PTPRN2: variants seen among roughly 807,000 people sequenced by gnomAD.
PTPRN2 encodes protein tyrosine phosphatase receptor type N2, also known as receptor-type tyrosine-protein phosphatase N2.
A neutral mutation model predicts 118.8 loss-of-function variants in PTPRN2; 74 were observed. The observed-to-expected ratio is 0.62, with a 90% CI of 0.52 to 0.76. The LOEUF is 0.76. PTPRN2 is among the 30% of genes least tolerant of loss of function. The pLI is 0.00. For synonymous variants in PTPRN2, 641 were observed against 608.0 expected, an observed-to-expected ratio of 1.05 and a Z score of -0.80; for missense variants, 1,481 against 1,394.4, an observed-to-expected ratio of 1.06 and a Z score of -0.99.
intron 5 of PTPRN2, among the ~76,000 whole-genome samples, chr7:158,186,725 A>G (rs1192913974): frequency 6.6e-6 from 1 of 152,064 alleles, no homozygotes; most frequent in Non-Finnish European, 1.5e-5. Flanking sequence ...CCCCTCTGGC[A>G]TGAGTGCACC....
At chr7:158,109,263 T>TC (rs1441580488) in intron 10 of PTPRN2, among the ~76,000 whole-genome samples, 1 of 145,890 alleles carries the variant, frequency 6.9e-6, no homozygotes. Flanking sequence ...GTGAATGACA[T>TC]AACTCCTGAG....
rs1563258215 is a variant in PTPRN2, at chr7:157,940,733, T to TCCC, written c.1724-41997_1724-41996insGGG. ...CCGTGACACTGCAAATCTAACGCCCTGCCCCATGACACTGCAAATCTGACA... is the reference window on the plus strand; with the variant it reads ...CCGTGACACTGCAAATCTAACGCCCTCCCGCCCCATGACACTGCAAATCTGACA... On this transcript the variant is annotated intron_variant, in intron 11 of 22. Transcript: ENST00000389418. 1.8e-4 allele frequency among the ~76,000 whole-genome samples: 9 copies of TCCC among 49,068 alleles called. 1 individual carries two copies. Among genetic ancestry groups the TCCC allele is most frequent in the East Asian group, 1.3e-3 (1 of 780 alleles). 32.2% of individuals were successfully genotyped at this position (49,068 alleles called of 152,430 possible).
intron 12 of PTPRN2, among the ~76,000 whole-genome samples, chr7:157,887,007 C>T (rs906285244): frequency 6.6e-6 from 1 of 151,792 alleles, no homozygotes; most frequent in African/African-American, 2.4e-5. Flanking sequence ...GTCCTTGTCA[C>T]ACAGCCAAGC....
At chr7:158,214,866 T>C (rs1414540004) in intron 3 of PTPRN2, among the ~76,000 whole-genome samples, 1 of 152,114 alleles carries the variant, frequency 6.6e-6, no homozygotes, top group African/African-American at 2.4e-5. Flanking sequence ...CACCACCCCT[T>C]ACCCCCAGAA....
At chr7:158,295,855 C>A (rs1202972349) in intron 3 of PTPRN2, among the ~76,000 whole-genome samples, 3 of 152,290 alleles carry the variant, frequency 2.0e-5, no homozygotes, top group African/African-American at 4.8e-5. Context: ...TGCTGCCCCA[C>A]ATCTCCATAG....
chr7:157,593,146 G>A (rs990780503), intron 17 of PTPRN2, among the ~76,000 whole-genome samples: 30 of 148,918 alleles, frequency 2.0e-4, no homozygotes, highest in African/African-American at 6.2e-4. Flanking sequence ...AGTGGATGTG[G>A]GCATCATCGT....
At chr7:157,616,141 G>A (rs1473577787) in intron 15 of PTPRN2, 1 of 157,608 alleles carries the variant, frequency 6.3e-6, no homozygotes, top group East Asian at 1.9e-4. Flanking sequence ...AAGCGGAATC[G>A]GAAGGAGGAT....
At chr7:157,947,900 T>G (rs1318496636) in intron 11 of PTPRN2, among the ~76,000 whole-genome samples, 4 of 152,226 alleles carry the variant, frequency 2.6e-5, no homozygotes, top group Non-Finnish European at 5.9e-5. Context: ...AGTGGGATGA[T>G]GTATTTAATG....
Position 157,583,880 on chromosome 7 carries a change from TCAAACACA to T in PTPRN2, c.2497-5748_2497-5741del, listed in dbSNP as rs1563233458. Reference sequence around the variant, plus strand: ...CTGGGTGACAGAGCGAGACTCTGTCTCAAACACACACACACACACACACACACACACAC... The same window carrying T: ...CTGGGTGACAGAGCGAGACTCTGTCTCACACACACACACACACACACACAC... On this transcript the variant is annotated intron_variant, in intron 17 of 22. Transcript: ENST00000389418. The surrounding 1 kb of genome is among the most constrained non-coding windows in gnomAD (Gnocchi z 5.5). Among the ~76,000 whole-genome samples, 2 of 114,982 alleles carry T rather than the reference TCAAACACA, an allele frequency of 1.7e-5. No individual in the cohort carries two copies. The highest frequency in any genetic ancestry group is 2.9e-4 in the South Asian group (1 of 3,478). 75.4% of individuals were successfully genotyped at this position (114,982 alleles called of 152,430 possible).
intron 2 of PTPRN2, among the ~76,000 whole-genome samples, chr7:158,474,681 G>T (rs1007371491): frequency 2.6e-5 from 4 of 151,988 alleles, no homozygotes; most frequent in Non-Finnish European, 4.4e-5. Context: ...CGTCTGAGAG[G>T]GACCCTTTTC....
At chr7:158,403,062 G>T (rs1431246919) in intron 2 of PTPRN2, among the ~76,000 whole-genome samples, 5 of 152,162 alleles carry the variant, frequency 3.3e-5, no homozygotes, top group African/African-American at 1.2e-4. Context: ...CTTCCCAGGG[G>T]GTTCATTCTC....
chr7:158,030,960 C>T (rs564881927), intron 11 of PTPRN2: 1 of 152,238 alleles, frequency 6.6e-6, no homozygotes, highest in Non-Finnish European at 1.5e-5. Flanking sequence ...TCTCTGCAAG[C>T]CTTCTCCTTT....
At chr7:157,947,227 C>T (rs1471117182) in intron 11 of PTPRN2, among the ~76,000 whole-genome samples, 6 of 151,876 alleles carry the variant, frequency 4.0e-5, no homozygotes, top group African/African-American at 9.7e-5. Flanking sequence ...ATGGAAATCA[C>T]AGAGCAGGTG....
At chr7:158,124,167 T>C (rs1173030835) in intron 9 of PTPRN2, among the ~76,000 whole-genome samples, 2 of 152,208 alleles carry the variant, frequency 1.3e-5, no homozygotes, top group Admixed American at 1.3e-4. Context: ...ATGGAAGTGG[T>C]ATGTGTCTGG....
intron 3 of PTPRN2, among the ~76,000 whole-genome samples, chr7:158,265,958 C>T (rs532601473): frequency 5.3e-5 from 8 of 152,194 alleles, no homozygotes; most frequent in African/African-American, 9.7e-5. Flanking sequence ...CCCACAGAGG[C>T]GCAGGGCTCC....
At chr7:158,108,753 G>C (rs914397785) in intron 10 of PTPRN2, among the ~76,000 whole-genome samples, 29 of 152,198 alleles carry the variant, frequency 1.9e-4, no homozygotes, top group African/African-American at 7.0e-4. Context: ...CCATGCTAAT[G>C]ACCCATACAC....
At chr7:158,058,828 T>C (rs1810041735) in intron 11 of PTPRN2, among the ~76,000 whole-genome samples, 1 of 117,314 alleles carries the variant, frequency 8.5e-6, no homozygotes, top group Non-Finnish European at 1.7e-5. Flanking sequence ...GCAGCCACAC[T>C]CCATCTGCAC....
chr7:158,026,126 C>T (rs1264343706), intron 11 of PTPRN2, among the ~76,000 whole-genome samples: 7 of 152,200 alleles, frequency 4.6e-5, no homozygotes, highest in Non-Finnish European at 8.8e-5. Flanking sequence ...GGGGTCGGCG[C>T]GGAGGGAAGG....
At chr7:158,513,474 A>G (rs796618864) in intron 1 of PTPRN2, among the ~76,000 whole-genome samples, 4 of 152,366 alleles carry the variant, frequency 2.6e-5, no homozygotes, top group African/African-American at 9.6e-5. Context: ...TAACAGTCAC[A>G]TAACAGTCAT....
Sources: gnomAD v4.1 joint callset for allele counts (sites outside exome capture counted in the v4.1 genomes callset) on GRCh38, gnomAD v4.1.1 for gene constraint, Gnocchi (gnomAD v3.1) non-coding constraint, MANE v1.5 for transcripts, NCBI Gene and HGNC (gene_info 2026-07-23, HGNC 2026-07-21) for gene names.